Variants in ACYP2 observed in about 807,000 individuals in gnomAD.
ACYP2 encodes the protein acylphosphatase-2.
Under a neutral mutation model 11.2 loss-of-function variants are expected in ACYP2, and 12 were observed. The ratio of observed to expected loss-of-function variants is 1.08; its 90% CI spans 0.69 to 1.74. The LOEUF (loss-of-function observed/expected upper bound fraction) is 1.74, where lower values mean the gene tolerates loss of function less well. Among genes scored for constraint, ACYP2 ranks in the 40% most tolerant of loss-of-function variants. The pLI is 0.00. For synonymous variants in ACYP2, 43 were observed against 32.2 expected (o/e 1.33, Z -1.13); for missense variants, 134 against 101.9 (o/e 1.31, Z -1.35).
rs748024201 is a variant in ACYP2, at chr2:54,158,936, T to C, written c.404+20188T>C. On this transcript the variant is annotated intron_variant, in intron 6 of 6. Coordinates refer to ENST00000607452, the MANE Select transcript of ACYP2 (RefSeq NM_001320586.2). ...TGCATAATGCAAGTTTGTATTTCTC[T>C]TTCTCTTTTTTGGGGCAAGGGTCAG... Among the ~76,000 whole-genome samples the C allele has an allele frequency of 3.6e-4, 55 of 152,190 alleles. 1 individual carries two copies. The highest frequency in any genetic ancestry group is 1.1e-3 in the Admixed American group (17 of 15,282).
chr2:53,995,488 T>TTTA (rs1672530499), intron 2 of ACYP2, among the ~76,000 whole-genome samples: 218 of 145,116 alleles, frequency 1.5e-3, no homozygotes, highest in African/African-American at 5.3e-3. Context: ...TTTATTTATT[T>TTTA]TTTATTTATT....
intron 6 of ACYP2, among the ~76,000 whole-genome samples, chr2:54,236,472 T>C (rs543602469): frequency 6.6e-6 from 1 of 152,352 alleles, no homozygotes; most frequent in South Asian, 2.1e-4. Context: ...AGAAAGTATA[T>C]TTCTTAATTT....
At chr2:54,065,330 T>C in intron 4 of ACYP2, 1 of 394,098 alleles carries the variant, frequency 2.5e-6, no homozygotes, top group Non-Finnish European at 4.5e-6. Context: ...CCCAGGTACT[T>C]TGTTTAAATC....
At chr2:54,199,721 A>G (rs1684678038) in intron 6 of ACYP2, among the ~76,000 whole-genome samples, 1 of 152,224 alleles carries the variant, frequency 6.6e-6, no homozygotes, top group South Asian at 2.1e-4. Context: ...AGGGAAATAC[A>G]GAGTTGTGAA....
At chr2:54,237,758 T>C (rs1686552546) in intron 6 of ACYP2, among the ~76,000 whole-genome samples, 1 of 152,216 alleles carries the variant, frequency 6.6e-6, no homozygotes, top group Admixed American at 6.5e-5. Flanking sequence ...GGTTTAAGTT[T>C]GGAGATCTAC....
At position 54,147,708 on chromosome 2, in the gene ACYP2, A is replaced by G. The variant is rs114190946; in HGVS notation, c.404+8960A>G. Among the ~76,000 whole-genome samples the G allele has an allele frequency of 5.6e-3, 857 of 152,104 alleles. 11 individuals carry two copies. Among genetic ancestry groups the G allele is most frequent in the African/African-American group, 0.019 (776 of 41,496 alleles). On this transcript the variant is annotated intron_variant, in intron 6 of 6. Transcript: ENST00000607452. The stretch of plus-strand genomic sequence containing the variant: ...CCTAGCTAATTTTTTAATTTTTTGT[A>G]GAGACAGGGTCCTACTATGTTGTCT...
intron 6 of ACYP2, among the ~76,000 whole-genome samples, chr2:54,157,852 C>G (rs1682503663): frequency 6.6e-6 from 1 of 152,204 alleles, no homozygotes; most frequent in East Asian, 1.9e-4. Context: ...GCTGTCAGTG[C>G]AGAGGGTCTG....
chr2:54,296,321 G>A (rs916301452), intron 6 of ACYP2, among the ~76,000 whole-genome samples: 2 of 152,174 alleles, frequency 1.3e-5, no homozygotes, highest in Non-Finnish European at 2.9e-5. Context: ...TACTGTATTT[G>A]ATGGCTAAAT....
intron 2 of ACYP2, among the ~76,000 whole-genome samples, chr2:54,047,466 T>C (rs1307521037): frequency 1.3e-5 from 2 of 152,220 alleles, no homozygotes; most frequent in African/African-American, 4.8e-5. Flanking sequence ...CATACAGTTA[T>C]TGAATGCAAT....
At chr2:54,157,015 A>G (rs760727396) in intron 6 of ACYP2, among the ~76,000 whole-genome samples, 20 of 152,118 alleles carry the variant, frequency 1.3e-4, no homozygotes, top group Non-Finnish European at 2.8e-4. Context: ...AGGTATCTCA[A>G]TTTTCCAAAA....
chr2:54,153,436 C>T (rs1255724828), intron 6 of ACYP2, among the ~76,000 whole-genome samples: 1 of 142,472 alleles, frequency 7.0e-6, no homozygotes, highest in Non-Finnish European at 1.5e-5. Context: ...GTTCTTTTTG[C>T]TCAAATTGCC....
chr2:54,072,154 A>G (rs1677078893), intron 4 of ACYP2, among the ~76,000 whole-genome samples: 1 of 152,224 alleles, frequency 6.6e-6, no homozygotes, highest in Non-Finnish European at 1.5e-5. Flanking sequence ...AAACTATCAA[A>G]TATTGTTGAA....
chr2:54,077,069 C>G (rs1050830123), intron 4 of ACYP2, among the ~76,000 whole-genome samples: 1 of 152,136 alleles, frequency 6.6e-6, no homozygotes, highest in African/African-American at 2.4e-5. Flanking sequence ...GCTAATGAAA[C>G]CTACCCTCAC....
chr2:53,985,471 C>T (rs1170939773), intron 2 of ACYP2, among the ~76,000 whole-genome samples: 1 of 151,962 alleles, frequency 6.6e-6, no homozygotes, highest in Non-Finnish European at 1.5e-5. Flanking sequence ...TGGAAAATAC[C>T]CAACAGAAAT....
At chr2:54,011,897 G>T (rs1673393816) in intron 2 of ACYP2, among the ~76,000 whole-genome samples, 1 of 152,020 alleles carries the variant, frequency 6.6e-6, no homozygotes, top group Admixed American at 6.6e-5. Context: ...GTCTACCTTG[G>T]AAAGTTTTTT....
chr2:54,111,663 T>C lies in ACYP2; in HGVS notation c.278-23790T>C, dbSNP rs142354276. 2.7e-3 allele frequency among the ~76,000 whole-genome samples: 409 copies of C among 152,374 alleles called. 1 individual carries two copies. Among genetic ancestry groups the C allele is most frequent in the African/African-American group, 9.7e-3 (403 of 41,584 alleles). On this transcript the variant is annotated intron_variant, in intron 4 of 6. Coordinates refer to ENST00000607452, the MANE Select transcript of ACYP2 (RefSeq NM_001320586.2). ...TCTAATAATTTTGAATCCAGTTTAG[T>C]AATAATTAAGCATTTATTTTACCTA... is the stretch of plus-strand genomic sequence containing the variant.
chr2:53,990,733 C>T (rs2104518117), intron 2 of ACYP2, among the ~76,000 whole-genome samples: 1 of 150,702 alleles, frequency 6.6e-6, no homozygotes, highest in East Asian at 1.9e-4. Flanking sequence ...GAGAGAGCTT[C>T]TACTGTCAGA....
intron 4 of ACYP2, among the ~76,000 whole-genome samples, chr2:54,063,007 C>T (rs1676548116): frequency 2.6e-5 from 4 of 152,160 alleles, no homozygotes; most frequent in Admixed American, 2.6e-4. Flanking sequence ...GACTGAAGCC[C>T]ATCTGTGTGT....
intron 4 of ACYP2, among the ~76,000 whole-genome samples, chr2:54,112,685 T>TA (rs1242737237): frequency 1.3e-5 from 2 of 152,204 alleles, no homozygotes; most frequent in Non-Finnish European, 2.9e-5. Context: ...AAAAGAAGAA[T>TA]AAAAGTTGCA....
Sources: allele counts gnomAD v4.1 joint callset (sites outside exome capture counted in the v4.1 genomes callset), GRCh38; gene constraint gnomAD v4.1.1; transcripts MANE v1.5; gene names NCBI Gene and HGNC (gene_info 2026-07-23, HGNC 2026-07-21).